PLPP7: variants seen among roughly 807,000 people sequenced by gnomAD.
PLPP7 encodes phospholipid phosphatase 7 (inactive), also known as inactive phospholipid phosphatase 7.
Under a neutral mutation model 16.9 loss-of-function variants are expected in PLPP7, and 11 were observed. The observed-to-expected ratio is 0.65, with a 90% CI of 0.41 to 1.08. The LOEUF is 1.08. Ranked by LOEUF, PLPP7 falls within the 50% of genes least tolerant of loss-of-function variation. The pLI is 0.00. For synonymous variants in PLPP7, 174 were observed against 175.1 expected (o/e 0.99, Z 0.05); for missense variants, 358 against 397.1 (o/e 0.90, Z 0.84).
chr9:131,304,793 G>A (rs1835836507), intron 1 of PLPP7, among the ~76,000 whole-genome samples: 3 of 152,206 alleles, frequency 2.0e-5, no homozygotes, highest in African/African-American at 7.2e-5. Context: ...TCCACGAAGT[G>A]ATGACTTCAT....
chr9:131,290,137 C>A lies in PLPP7; in HGVS notation c.140C>A (p.Ala47Glu). ...SSGRKASGPSAQPPPAGDGAR... is the reference protein window; with the variant it reads ...SSGRKASGPSEQPPPAGDGAR... ...GGCAGAAAGGCCTCGGGCCCATCAG[C>A]ACAGCCCCCACCTGCTGGTGACGGG... The change falls in exon 1 of 2, where the codon GCA becomes GAA. Residue 47 changes from alanine (A) to glutamate (E), a missense_variant. Physicochemically the swap from Ala to Glu is moderately radical, Grantham distance 107. Coordinates refer to ENST00000372264, the MANE Select transcript of PLPP7 (RefSeq NM_032728.4). This position sits in a 1 kb window ranked among gnomAD's most constrained non-coding sequence, Gnocchi z 4.2. The A allele has an allele frequency of 6.4e-7, 1 of 1,571,448 alleles. No individual in the cohort carries two copies. The highest frequency in any genetic ancestry group is 1.2e-5 in the South Asian group (1 of 84,932).
chr9:131,296,074 G>A (rs1564246424), intron 1 of PLPP7, among the ~76,000 whole-genome samples: 1 of 152,160 alleles, frequency 6.6e-6, no homozygotes, highest in Non-Finnish European at 1.5e-5. Context: ...TTGAGGACCT[G>A]TCCTACTGTT....
rs942206732 is a variant in PLPP7 at position 131,308,431 on chromosome 9, G to C, written c.*144G>C. 8.9e-6 allele frequency: 12 copies of C among 1,348,806 alleles called. No homozygotes were observed. The highest frequency in any genetic ancestry group is 9.8e-6 in the Non-Finnish European group (10 of 1,021,322). 83.6% of individuals were successfully genotyped at this position (1,348,806 alleles called of 1,614,324 possible). A position where few individuals can be genotyped will look rare whatever the true frequency, so the allele number is the denominator to read the frequency against. On this transcript the variant is annotated 3_prime_UTR_variant, in exon 2 of 2. Transcript: ENST00000372264. ...CCACCTCATCTTCCCCTCCTGGCTG[G>C]AGGCTGGCGAACCCAGGCCACCCCT...
In PLPP7 at chr9:131,290,986, C is replaced by T; in HGVS notation, c.451+538C>T. ...GACCCAGGGAGTTCCCCTGGGACTGCCACCCACTCACAGCCCCCTGGAGTT... is the reference window on the plus strand; with the variant it reads ...GACCCAGGGAGTTCCCCTGGGACTGTCACCCACTCACAGCCCCCTGGAGTT... On this transcript the variant is annotated intron_variant, in intron 1 of 1. Coordinates refer to ENST00000372264, the MANE Select transcript of PLPP7 (RefSeq NM_032728.4). This position sits in a 1 kb window ranked among gnomAD's most constrained non-coding sequence, Gnocchi z 4.2. The T allele has an allele frequency of 1.8e-6, 2 of 1,123,458 alleles. No individual in the cohort carries two copies. The highest frequency in any genetic ancestry group is 2.5e-6 in the Non-Finnish European group (2 of 805,190). 69.6% of individuals were successfully genotyped at this position (1,123,458 alleles called of 1,614,324 possible).
intron 1 of PLPP7, among the ~76,000 whole-genome samples, chr9:131,299,156 G>A (rs553751521): frequency 7.9e-5 from 12 of 152,288 alleles, no homozygotes; most frequent in South Asian, 2.1e-4. Flanking sequence ...ACAAGTGGCC[G>A]ACCTTGAAGC....
Position 131,300,009 on chromosome 9 carries a change from A to G in PLPP7, c.452-7914A>G, listed in dbSNP as rs1835778949. ...AATAGCCACAGCTTCCCAAAGGCACAGCTGTGGGGCGTCTTAGTCCATTTT... is the reference window on the plus strand; with the variant it reads ...AATAGCCACAGCTTCCCAAAGGCACGGCTGTGGGGCGTCTTAGTCCATTTT... On this transcript the variant is annotated intron_variant, in intron 1 of 1. Coordinates refer to ENST00000372264, the MANE Select transcript of PLPP7 (RefSeq NM_032728.4). 2.0e-5 allele frequency among the ~76,000 whole-genome samples: 3 copies of G among 152,382 alleles called. No individual in the cohort carries two copies. In the South Asian group the frequency reaches 6.2e-4, roughly 32 times the overall value.
At chr9:131,301,547 T>C (rs1336592471) in intron 1 of PLPP7, among the ~76,000 whole-genome samples, 1 of 152,180 alleles carries the variant, frequency 6.6e-6, no homozygotes, top group Non-Finnish European at 1.5e-5. Context: ...GTGGAGGTCT[T>C]GGAACCTGGG....
Position 131,307,858 on chromosome 9 carries a change from G to A in PLPP7, c.452-65G>A, listed in dbSNP as rs1835870555. 15 of 1,462,388 alleles carry A rather than the reference G, an allele frequency of 1.0e-5. 1 individual carries two copies. The South Asian group carries it at 2.1e-4, about 20-fold the overall frequency. 90.6% of individuals were successfully genotyped at this position (1,462,388 alleles called of 1,614,324 possible). On this transcript the variant is annotated intron_variant, in intron 1 of 1. Coordinates refer to ENST00000372264, the MANE Select transcript of PLPP7 (RefSeq NM_032728.4). The stretch of plus-strand genomic sequence containing the variant: ...AAGGGGAGGCGAGGTGGAAATGTGG[G>A]GGGCCAGGGCCTGGGCCTGGCTGGT...
At chr9:131,296,262 G>T (rs1368143801) in intron 1 of PLPP7, among the ~76,000 whole-genome samples, 1 of 151,988 alleles carries the variant, frequency 6.6e-6, no homozygotes, top group African/African-American at 2.4e-5. Context: ...CGTTTTGGGG[G>T]TTTTAGTTTG....
chr9:131,293,342 A>G (rs1374835480), intron 1 of PLPP7, among the ~76,000 whole-genome samples: 1 of 152,190 alleles, frequency 6.6e-6, no homozygotes, highest in Non-Finnish European at 1.5e-5. Flanking sequence ...CCAGGTGTTG[A>G]GGCCATGGGG....
At chr9:131,307,842 C>G (rs1312208025) in intron 1 of PLPP7, 81 bp from the exon 2 acceptor site, 1 of 1,379,088 alleles carries the variant, frequency 7.3e-7, no homozygotes, top group Non-Finnish European at 9.6e-7. Flanking sequence ...AAAGGGGAGG[C>G]GAGGTGGAAA....
intron 1 of PLPP7, among the ~76,000 whole-genome samples, chr9:131,302,418 C>A (rs1406825113): frequency 1.3e-5 from 2 of 152,170 alleles, no homozygotes; most frequent in Non-Finnish European, 2.9e-5. Flanking sequence ...GTCAGCACAG[C>A]TACCTCCCTC....
intron 1 of PLPP7, among the ~76,000 whole-genome samples, chr9:131,294,352 G>A (rs1480894352): frequency 6.6e-6 from 1 of 152,154 alleles, no homozygotes; most frequent in Non-Finnish European, 1.5e-5. Context: ...TACTGATGTT[G>A]GTTAACGGTT....
At chr9:131,303,101 G>A (rs1376112347) in intron 1 of PLPP7, among the ~76,000 whole-genome samples, 1 of 152,174 alleles carries the variant, frequency 6.6e-6, no homozygotes, top group Admixed American at 6.5e-5. Context: ...GGAGGCTGAG[G>A]TGCGCGGATC....
chr9:131,305,112 C>T (rs191448963), intron 1 of PLPP7, among the ~76,000 whole-genome samples: 176 of 152,324 alleles, frequency 1.2e-3, no homozygotes, highest in Non-Finnish European at 1.8e-3. Flanking sequence ...ACTGTCATTA[C>T]CAACCAGCGA....
rs186238340 is a variant in PLPP7 at position 131,309,084 on chromosome 9, C to T, written c.*797C>T. Reference sequence around the variant, plus strand: ...AGGGCCTGGGGTGTGAGCTGACTCTCCTCTGGGGAGGCCGGGTGCACACGC... The same window carrying T: ...AGGGCCTGGGGTGTGAGCTGACTCTTCTCTGGGGAGGCCGGGTGCACACGC... On this transcript the variant is annotated 3_prime_UTR_variant, in exon 2 of 2. Transcript: ENST00000372264. The T allele has an allele frequency of 2.4e-3, 373 of 152,592 alleles. No homozygotes were observed. The highest frequency in any genetic ancestry group is 4.3e-3 in the Non-Finnish European group (293 of 67,996). 9.5% of individuals were successfully genotyped at this position (152,592 alleles called of 1,614,324 possible).
intron 1 of PLPP7, among the ~76,000 whole-genome samples, chr9:131,294,871 T>C (rs950374336): frequency 2.6e-5 from 4 of 151,824 alleles, no homozygotes; most frequent in Non-Finnish European, 5.9e-5. Flanking sequence ...GCTGGGATTA[T>C]AGGCGTGAGG....
rs749327068 is a variant in PLPP7 at position 131,289,969 on chromosome 9, T to C, written c.-29T>C. On this transcript the variant is annotated 5_prime_UTR_variant, in exon 1 of 2. Coordinates refer to ENST00000372264, the MANE Select transcript of PLPP7 (RefSeq NM_032728.4). ...GAAGGCCCTTGGAGCCGGGCTGGCA[T>C]CGGCCTTCTCGGGGTGAGCGAGGTC... 2.9e-6 allele frequency: 4 copies of C among 1,401,820 alleles called. No individual in the cohort carries two copies. The Admixed American group carries it at 8.7e-5, about 30-fold the overall frequency. The allele number at this position is 1,401,820 out of a possible 1,614,324, so 86.8% of individuals were successfully genotyped here.
chr9:131,290,451 G>T lies in PLPP7; in HGVS notation c.451+3G>T. ...GGTGCTCATGAATCTGCTCCTGGGT[G>T]AGTGTGCCTGCCGCCCGCCACTCAC... On this transcript the variant is annotated splice_donor_region_variant and intron_variant, in intron 1 of 1. Coordinates refer to ENST00000372264, the MANE Select transcript of PLPP7 (RefSeq NM_032728.4). The surrounding 1 kb of genome is among the most constrained non-coding windows in gnomAD (Gnocchi z 4.2). The T allele has an allele frequency of 5.3e-6, 8 of 1,497,780 alleles. No individual in the cohort carries two copies. The highest frequency in any genetic ancestry group is 7.1e-6 in the Non-Finnish European group (8 of 1,125,324). 92.8% of individuals were successfully genotyped at this position (1,497,780 alleles called of 1,614,324 possible). A position where few individuals can be genotyped will look rare whatever the true frequency, so the allele number is the denominator to read the frequency against.
Sources: allele counts gnomAD v4.1 joint callset (sites outside exome capture counted in the v4.1 genomes callset), GRCh38; gene constraint gnomAD v4.1.1; non-coding constraint Gnocchi (gnomAD v3.1); transcripts MANE v1.5; gene names NCBI Gene and HGNC (gene_info 2026-07-23, HGNC 2026-07-21).